NOL11: variants seen among roughly 807,000 people sequenced by gnomAD.
NOL11 encodes nucleolar protein 11.
Under a neutral mutation model 93.0 loss-of-function variants are expected in NOL11, and 42 were observed. The ratio of observed to expected loss-of-function variants is 0.45; its 90% CI spans 0.35 to 0.58. The LOEUF is 0.58. Among genes scored for constraint, NOL11 ranks in the 20% least tolerant of loss-of-function variants. NOL11 has a pLI of 0.00. For synonymous variants in NOL11, 296 were observed against 293.7 expected (o/e 1.01, Z -0.08); for missense variants, 775 against 841.8 (o/e 0.92, Z 0.98).
chr17:67,722,133 A>C (rs569194093), intron 4 of NOL11, among the ~76,000 whole-genome samples: 18 of 152,338 alleles, frequency 1.2e-4, no homozygotes, highest in Non-Finnish European at 2.1e-4. Flanking sequence ...AGGTGTGAGC[A>C]ACTGTTGTGA....
At chr17:67,722,443 G>A (rs1051926998) in intron 4 of NOL11, 137 bp from the exon 5 acceptor site, 7 of 1,329,498 alleles carry the variant, frequency 5.3e-6, no homozygotes, top group South Asian at 3.1e-5. Flanking sequence ...GTTTCAAAAC[G>A]CCCAATTAAG....
At chr17:67,732,872 C>A (rs2055167400) in intron 7 of NOL11, among the ~76,000 whole-genome samples, 1 of 151,848 alleles carries the variant, frequency 6.6e-6, no homozygotes, top group Admixed American at 6.6e-5. Context: ...CCATGCCCTG[C>A]CGGAATTTTT....
intron 16 of NOL11, among the ~76,000 whole-genome samples, chr17:67,742,819 G>C (rs2055268159): frequency 6.6e-6 from 1 of 152,134 alleles, no homozygotes; most frequent in Non-Finnish European, 1.5e-5. Context: ...TCTGGTTTAT[G>C]GCAACTCATC....
rs1200279170 is a variant in NOL11, at chr17:67,724,854, C to T, written c.664+661C>T. On this transcript the variant is annotated intron_variant, in intron 6 of 17. Coordinates refer to ENST00000253247, the MANE Select transcript of NOL11 (RefSeq NM_015462.5). ...TGGGCAGATCACAAGGTCAGGAGAT[C>T]GAGACCATCCTGGCTAACATGGTGA... Among the ~76,000 whole-genome samples, 7 of 152,088 alleles carry T rather than the reference C, an allele frequency of 4.6e-5. No individual in the cohort carries two copies. In the South Asian group the frequency reaches 1.2e-3, roughly 27 times the overall value.
chr17:67,728,936 A>G (rs569280623), intron 7 of NOL11, among the ~76,000 whole-genome samples: 4 of 152,206 alleles, frequency 2.6e-5, no homozygotes, highest in Admixed American at 2.0e-4. Context: ...TAATCGTTTT[A>G]TTTTTTAAAT....
chr17:67,739,721 G>T, intron 16 of NOL11, 113 bp downstream of exon 16: 2 of 662,004 alleles, frequency 3.0e-6, no homozygotes. Context: ...TAGGCCGTAG[G>T]AATCCCTTCC....
chr17:67,730,671 GGT>G (rs2055146284), intron 7 of NOL11, among the ~76,000 whole-genome samples: 2 of 152,194 alleles, frequency 1.3e-5, no homozygotes, highest in South Asian at 4.1e-4. Context: ...GTACATAACA[GGT>G]GTATGTATTT....
intron 7 of NOL11, among the ~76,000 whole-genome samples, chr17:67,729,166 C>T (rs895225140): frequency 2.6e-5 from 4 of 151,638 alleles, no homozygotes; most frequent in East Asian, 1.9e-4. Flanking sequence ...GGGATCTCGG[C>T]TCACTGCAAC....
chr17:67,743,932 C>T lies in NOL11; in HGVS notation c.*73C>T. ...AACTCTTGCTTCATCCAGGCAAGAA[C>T]GGTGTTTTGTTTGCGACCATCTCAG... On this transcript the variant is annotated 3_prime_UTR_variant, in exon 18 of 18. Coordinates refer to ENST00000253247, the MANE Select transcript of NOL11 (RefSeq NM_015462.5). 3 of 788,320 alleles carry T rather than the reference C, an allele frequency of 3.8e-6. No homozygotes were observed. The highest frequency in any genetic ancestry group is 1.7e-5 in the South Asian group (1 of 59,894). The allele number at this position is 788,320 out of a possible 1,614,324, so 48.8% of individuals were successfully genotyped here. A position where few individuals can be genotyped will look rare whatever the true frequency, so the allele number is the denominator to read the frequency against.
At chr17:67,722,529 C>T in intron 4 of NOL11, 51 bp from the exon 5 acceptor site, 2 of 1,541,906 alleles carry the variant, frequency 1.3e-6, no homozygotes, top group Non-Finnish European at 1.7e-6. Context: ...TATGTGTCTC[C>T]CAGCTGGTGA....
rs2055209891 is a variant in NOL11 at position 67,737,152 on chromosome 17, A to G, written c.1218+7A>G. The stretch of plus-strand genomic sequence containing the variant: ...ACTTTTGTCAACCATAATGGTAAAT[A>G]AATAATATTGAAATATGAAAAATCA... On this transcript the variant is annotated splice_region_variant and intron_variant, in intron 11 of 17. Coordinates refer to ENST00000253247, the MANE Select transcript of NOL11 (RefSeq NM_015462.5). 6.5e-7 allele frequency: 1 copy of G among 1,535,628 alleles called. No individual in the cohort carries two copies. The highest frequency in any genetic ancestry group is 1.7e-5 in the Admixed American group (1 of 59,460).
intron 16 of NOL11, 118 bp from the exon 17 acceptor site, chr17:67,743,361 T>C: frequency 2.2e-6 from 1 of 456,356 alleles, no homozygotes; most frequent in Non-Finnish European, 3.9e-6. Flanking sequence ...ACAAAAATGT[T>C]CAGATTTTAT....
rs73997240 is a variant in NOL11 at position 67,722,075 on chromosome 17, G to C, written c.462-505G>C. Reference sequence around the variant, plus strand: ...CAGAGTGAAGACTGGTACTTACAACGTGGCCAATAACCAGTTATATATTAG... The same window carrying C: ...CAGAGTGAAGACTGGTACTTACAACCTGGCCAATAACCAGTTATATATTAG... On this transcript the variant is annotated intron_variant, in intron 4 of 17. Coordinates refer to ENST00000253247, the MANE Select transcript of NOL11 (RefSeq NM_015462.5). Among the ~76,000 whole-genome samples, 1,405 of 152,268 alleles carry C rather than the reference G, an allele frequency of 9.2e-3. 19 individuals carry two copies. The highest frequency in any genetic ancestry group is 0.032 in the African/African-American group (1,346 of 41,540).
chr17:67,736,610 T>C (rs1336443966), intron 9 of NOL11, 56 bp from the exon 10 acceptor site: 20 of 1,145,642 alleles, frequency 1.7e-5, no homozygotes, highest in Non-Finnish European at 2.6e-5. Flanking sequence ...GATTGTTTAG[T>C]TGGGCAAAAA....
chr17:67,736,960 T>C (rs2055207597), intron 10 of NOL11, 111 bp from the exon 11 acceptor site: 1 of 801,718 alleles, frequency 1.2e-6, no homozygotes, highest in Non-Finnish European at 2.0e-6. Flanking sequence ...TTTAAAAGTT[T>C]TTGATGAGAG....
intron 8 of NOL11, among the ~76,000 whole-genome samples, chr17:67,735,583 A>G (rs568583271): frequency 1.3e-5 from 2 of 151,950 alleles, no homozygotes; most frequent in African/African-American, 2.4e-5. Context: ...TGCCCATGCT[A>G]TAGTAGCCTT....
rs148391618 is a variant in NOL11, at chr17:67,724,119, G to A, written c.590G>A (p.Gly197Glu). The A allele has an allele frequency of 7.5e-6, 12 of 1,594,092 alleles. No individual in the cohort carries two copies. The African/African-American group carries it at 1.5e-4, about 20-fold the overall frequency. Residue 197 changes from glycine to glutamate, a missense_variant, in exon 6 of 18, where the codon GGA (glycine) becomes GAA (glutamate). Physicochemically the swap from Gly to Glu is moderately conservative, Grantham distance 98. Around this residue, in one of 2 missense-constraint regions of NOL11, gnomAD observed 359 missense variants for 316.5 expected, o/e 1.13. Coordinates refer to ENST00000253247, the MANE Select transcript of NOL11 (RefSeq NM_015462.5). ...RILTKYTLLL[G>E]QDENSVIKSF... ...TTAACCAAATATACACTCTTACTTG[G>A]ACAAGACGAAAACTCTGTTATAAAG...
At chr17:67,739,953 A>G (rs1411424188) in intron 16 of NOL11, among the ~76,000 whole-genome samples, 3 of 152,162 alleles carry the variant, frequency 2.0e-5, no homozygotes, top group African/African-American at 4.8e-5. Flanking sequence ...ATAAGAGAAC[A>G]GGCCAGGCAT....
At chr17:67,726,827 G>T in intron 7 of NOL11, 179 bp downstream of exon 7, 1 of 480,204 alleles carries the variant, frequency 2.1e-6, no homozygotes, top group South Asian at 4.0e-5. Context: ...TTTTTATTTT[G>T]CATTGATCTT....
Sources: allele counts gnomAD v4.1 joint callset (sites outside exome capture counted in the v4.1 genomes callset), GRCh38; gene constraint gnomAD v4.1.1; regional missense constraint gnomAD v4.1.1; transcripts MANE v1.5; gene names NCBI Gene and HGNC (gene_info 2026-07-23, HGNC 2026-07-21).